Variants in DAB1 observed in about 807,000 individuals in gnomAD.
DAB1 encodes disabled homolog 1.
In DAB1, 15 loss-of-function variants were observed where a neutral mutation model predicts 64.6. The ratio of observed to expected loss-of-function variants is 0.23; its 90% CI spans 0.16 to 0.36. DAB1 has a LOEUF of 0.36. Among genes scored for constraint, DAB1 ranks in the 10% least tolerant of loss-of-function variants. The pLI is 1.00. For missense variants in DAB1, 596 were observed against 706.7 expected (o/e 0.84, Z 1.78); for synonymous variants, 235 against 251.9 (o/e 0.93, Z 0.64).
intron 7 of DAB1, among the ~76,000 whole-genome samples, chr1:57,596,259 C>A (rs1262229519): frequency 6.6e-6 from 1 of 152,102 alleles, no homozygotes; most frequent in Non-Finnish European, 1.5e-5. Context: ...GGCATTGATT[C>A]CAAATTCCTA....
intron 1 of DAB1, among the ~76,000 whole-genome samples, chr1:57,357,461 C>A (rs1265736833): frequency 3.4e-5 from 5 of 147,908 alleles, no homozygotes. Flanking sequence ...TAAGTGGTTT[C>A]TTCAATTTCT....
At chr1:58,127,286 G>A (rs988237375) in intron 5 of DAB1, among the ~76,000 whole-genome samples, 6 of 152,068 alleles carry the variant, frequency 3.9e-5, no homozygotes, top group African/African-American at 1.2e-4. Context: ...CATGTTCCTC[G>A]CCCACTTTTT....
At chr1:58,312,927 AAAG>A (rs1412454005) in intron 4 of DAB1, among the ~76,000 whole-genome samples, 1 of 152,218 alleles carries the variant, frequency 6.6e-6, no homozygotes, top group African/African-American at 2.4e-5. Flanking sequence ...AAGTTAAAAA[AAAG>A]AGTTCACAAC....
chr1:58,398,303 A>C (rs775545253), intron 3 of DAB1, among the ~76,000 whole-genome samples: 1 of 152,160 alleles, frequency 6.6e-6, no homozygotes, highest in Non-Finnish European at 1.5e-5. Flanking sequence ...CCTCCCTGCT[A>C]TTATTACCCA....
intron 5 of DAB1, among the ~76,000 whole-genome samples, chr1:58,145,256 T>G (rs6667829): frequency 0.3 from 45,040 of 152,118 alleles, 7,176 homozygotes; most frequent in South Asian, 0.45. Flanking sequence ...GGGACTTTTT[T>G]GGGGCAATGC....
chr1:58,031,639 C>G (rs1646971656), intron 5 of DAB1, among the ~76,000 whole-genome samples: 1 of 152,146 alleles, frequency 6.6e-6, no homozygotes, highest in African/African-American at 2.4e-5. Context: ...CCCCTGTATC[C>G]CTTCTCCCTC....
chr1:57,371,807 T>C (rs1680518569), intron 1 of DAB1, among the ~76,000 whole-genome samples: 1 of 152,230 alleles, frequency 6.6e-6, no homozygotes. Flanking sequence ...CAGGGGCTAC[T>C]TTACACCCCA....
intron 4 of DAB1, among the ~76,000 whole-genome samples, chr1:57,089,152 C>T (rs937496541): frequency 6.6e-6 from 1 of 152,210 alleles, no homozygotes; most frequent in African/African-American, 2.4e-5. Flanking sequence ...ACTTGCTTAG[C>T]ATCGTGTCCA....
intron 1 of DAB1, among the ~76,000 whole-genome samples, chr1:57,852,364 A>C (rs1461097725): frequency 6.6e-6 from 1 of 152,188 alleles, no homozygotes. Context: ...ATAGCACCTA[A>C]GTATGAAAGT....
At chr1:57,702,392 G>A (rs1336762763) in intron 6 of DAB1, among the ~76,000 whole-genome samples, 1 of 152,172 alleles carries the variant, frequency 6.6e-6, no homozygotes, top group African/African-American at 2.4e-5. Flanking sequence ...GCAAAAAGAA[G>A]TATCATTTTA....
At chr1:58,061,484 C>T (rs1648499953) in intron 5 of DAB1, among the ~76,000 whole-genome samples, 2 of 152,150 alleles carry the variant, frequency 1.3e-5, no homozygotes, top group South Asian at 4.1e-4. Context: ...CTGATCTCTG[C>T]CTTCGTCTTC....
At chr1:57,290,939 A>T (rs1210503216) in intron 2 of DAB1, 25 bp downstream of exon 2, 2 of 1,562,924 alleles carry the variant, frequency 1.3e-6, no homozygotes, top group Non-Finnish European at 1.8e-6. Flanking sequence ...AGTAGCCATT[A>T]AAAAAAGGTC....
intron 4 of DAB1, among the ~76,000 whole-genome samples, chr1:58,319,847 T>C (rs113106442): frequency 1.6e-4 from 25 of 152,308 alleles, no homozygotes; most frequent in African/African-American, 6.0e-4. Context: ...TGTTGTAACT[T>C]TCTCTAATAT....
intron 1 of DAB1, chr1:57,387,518 A>G (rs2100990285): frequency 6.6e-6 from 1 of 152,282 alleles, no homozygotes; most frequent in Non-Finnish European, 1.5e-5. Context: ...TAATCATCAG[A>G]GTAACATTGT....
chr1:57,679,399 G>A (rs936039074), intron 6 of DAB1, among the ~76,000 whole-genome samples: 5 of 152,202 alleles, frequency 3.3e-5, no homozygotes, highest in African/African-American at 1.2e-4. Context: ...GGAATAGGCT[G>A]AAGACTCCAG....
At chr1:57,080,752 A>ACG (rs1553138577) in intron 4 of DAB1, among the ~76,000 whole-genome samples, 6 of 138,848 alleles carry the variant, frequency 4.3e-5, no homozygotes, top group African/African-American at 1.8e-4. Context: ...ACACACACAC[A>ACG]CACGCACACA....
intron 3 of DAB1, among the ~76,000 whole-genome samples, chr1:58,499,549 G>A (rs1306806759): frequency 7.0e-6 from 1 of 143,570 alleles, no homozygotes; most frequent in African/African-American, 2.6e-5. Context: ...TAAACTTTCA[G>A]TCAGGAAAAG....
chr1:57,526,686 T>C (rs1018596583), intron 7 of DAB1, among the ~76,000 whole-genome samples: 1 of 152,188 alleles, frequency 6.6e-6, no homozygotes, highest in Admixed American at 6.5e-5. Context: ...AAGAAAGATA[T>C]ATTTTCTGTC....
In DAB1 at chr1:57,280,971, G is replaced by GA. The variant is rs201079206; in HGVS notation, c.67+9992dup. Among the ~76,000 whole-genome samples, 447 of 152,236 alleles carry GA rather than the reference G, an allele frequency of 2.9e-3. 1 individual carries two copies. The highest frequency in any genetic ancestry group is 9.9e-3 in the African/African-American group (413 of 41,524). On this transcript the variant is annotated intron_variant, in intron 2 of 14. Transcript: ENST00000371236. ...CATAGAAAAAAGAAAAATAATTATA[G>GA]AAAAAATGGGGAAAGTGTGATAATT...
Sources: allele counts gnomAD v4.1 joint callset (sites outside exome capture counted in the v4.1 genomes callset), GRCh38; gene constraint gnomAD v4.1.1; transcripts MANE v1.5; gene names NCBI Gene and HGNC (gene_info 2026-07-23, HGNC 2026-07-21).